TENM4: variants seen among roughly 807,000 people sequenced by gnomAD.
TENM4 encodes the protein teneurin transmembrane protein 4, also known as teneurin-4.
In TENM4, 82 loss-of-function variants were observed where a neutral mutation model predicts 243.3. The ratio of observed to expected loss-of-function variants is 0.34; its 90% confidence interval spans 0.28 to 0.40. TENM4 has a LOEUF of 0.40. TENM4 is among the 10% of genes least tolerant of loss of function. The probability of loss-of-function intolerance (pLI) is 1.00; values close to 1 mark genes in which losing one functional copy is unlikely to be tolerated. For missense variants in TENM4, 3,138 were observed against 3,673.3 expected (o/e 0.85, Z 3.77); for synonymous variants, 1,412 against 1,456.3 (o/e 0.97, Z 0.69).
At chr11:78,722,950 A>G (rs554430398) in intron 23 of TENM4, 33 bp from the exon 24 acceptor site, 1 of 1,603,452 alleles carries the variant, frequency 6.2e-7, no homozygotes, top group Admixed American at 1.7e-5. Context: ...TTGCCTGTGG[A>G]GCAGGAAATG....
chr11:79,343,609 C>T (rs534632754), intron 1 of TENM4, among the ~76,000 whole-genome samples: 1 of 151,736 alleles, frequency 6.6e-6, no homozygotes, highest in African/African-American at 2.4e-5. Context: ...TTAAAAAGGA[C>T]TCCAATGCTT....
intron 19 of TENM4, among the ~76,000 whole-genome samples, chr11:78,751,941 G>C (rs1164810402): frequency 6.6e-6 from 1 of 152,184 alleles, no homozygotes; most frequent in African/African-American, 2.4e-5. Flanking sequence ...GACTCCATGG[G>C]AGGGACAAGT....
At chr11:78,824,595 G>A (rs1213434707) in intron 12 of TENM4, among the ~76,000 whole-genome samples, 2 of 150,112 alleles carry the variant, frequency 1.3e-5, no homozygotes, top group African/African-American at 2.5e-5. Flanking sequence ...TCCGCCTCCC[G>A]GTTTCAAGCA....
intron 12 of TENM4, among the ~76,000 whole-genome samples, chr11:78,834,388 C>T (rs889112998): frequency 6.6e-6 from 1 of 151,936 alleles, no homozygotes; most frequent in Non-Finnish European, 1.5e-5. Flanking sequence ...TTGGTCTTTT[C>T]TTACTTGCTG....
chr11:78,991,602 G>A (rs1002697174), intron 6 of TENM4, among the ~76,000 whole-genome samples: 61 of 152,314 alleles, frequency 4.0e-4, no homozygotes, highest in African/African-American at 1.2e-3. Context: ...TGGCTAGTAA[G>A]TGGCTCAGCT....
chr11:79,295,989 A>G (rs1156707344), intron 2 of TENM4, among the ~76,000 whole-genome samples: 2 of 151,604 alleles, frequency 1.3e-5, no homozygotes, highest in Non-Finnish European at 2.9e-5. Context: ...AAAGCTGCGT[A>G]TCATGTACAT....
At chr11:79,187,174 C>T (rs762988846) in intron 3 of TENM4, among the ~76,000 whole-genome samples, 79 of 152,268 alleles carry the variant, frequency 5.2e-4, no homozygotes, top group African/African-American at 9.9e-4. Context: ...TCCAGGGCAA[C>T]GACTTGAGCC....
In TENM4 at chr11:78,736,486, G is replaced by GCA. The variant is rs879383262; in HGVS notation, c.2876+1964_2876+1965insTG. On this transcript the variant is annotated intron_variant, in intron 20 of 33. Transcript: ENST00000278550. ...TGTGTGTGTGTGTGTGTGTGCGCGC[G>GCA]CGTGCATGTGAGTAGGGGTGGGGGA... Among the ~76,000 whole-genome samples, 926 of 150,202 alleles carry GCA rather than the reference G, an allele frequency of 6.2e-3. 7 individuals are homozygous for GCA. Among genetic ancestry groups the GCA allele is most frequent in the African/African-American group, 0.012 (477 of 40,216 alleles).
chr11:79,139,814 T>TATATTTATATAAATATATAATATATA (rs1862250479), intron 4 of TENM4, among the ~76,000 whole-genome samples: 2 of 65,256 alleles, frequency 3.1e-5, no homozygotes, highest in African/African-American at 1.6e-4. Flanking sequence ...TAATATATAT[T>TATATTTATATAAATATATAATATATA]TTATATTTAT....
At chr11:78,813,593 C>T (rs538156265) in intron 13 of TENM4, among the ~76,000 whole-genome samples, 1 of 152,306 alleles carries the variant, frequency 6.6e-6, no homozygotes, top group Admixed American at 6.5e-5. Context: ...AAAGAAGGGG[C>T]CAAGTTAGTT....
chr11:79,390,574 C>G (rs1858211195), intron 1 of TENM4, among the ~76,000 whole-genome samples: 1 of 148,716 alleles, frequency 6.7e-6, no homozygotes, highest in South Asian at 2.2e-4. Context: ...TGAAACTAAC[C>G]AAGAATACAG....
intron 18 of TENM4, among the ~76,000 whole-genome samples, chr11:78,761,558 C>T (rs551209629): frequency 3.9e-5 from 6 of 152,128 alleles, no homozygotes; most frequent in Admixed American, 6.5e-5. Context: ...TTTCTGATTA[C>T]GTCAGCTGGC....
At chr11:79,330,629 G>A (rs1014239922) in intron 1 of TENM4, among the ~76,000 whole-genome samples, 1 of 152,194 alleles carries the variant, frequency 6.6e-6, no homozygotes, top group Non-Finnish European at 1.5e-5. Flanking sequence ...AATCAAATGG[G>A]AAATAATATA....
At chr11:78,846,630 AT>A (rs1858400057) in intron 12 of TENM4, among the ~76,000 whole-genome samples, 1 of 152,152 alleles carries the variant, frequency 6.6e-6, no homozygotes, top group Non-Finnish European at 1.5e-5. Context: ...GAACCAAGCC[AT>A]TTTCCTTCCA....
Position 78,970,741 on chromosome 11 carries a change from G to C in TENM4, c.494-67218C>G, listed in dbSNP as rs138699693. Reference sequence around the variant, plus strand: ...CTACACCTCAAGAGGTTGCTCTGAGGGTTAAAGGAGACTATGGAAAAAATG... The same window carrying C: ...CTACACCTCAAGAGGTTGCTCTGAGCGTTAAAGGAGACTATGGAAAAAATG... On this transcript the variant is annotated intron_variant, in intron 6 of 33. Coordinates refer to ENST00000278550, the MANE Select transcript of TENM4 (RefSeq NM_001098816.3). 4.4e-4 allele frequency among the ~76,000 whole-genome samples: 67 copies of C among 152,250 alleles called. No homozygotes were observed. In the Middle Eastern group the frequency reaches 0.01, roughly 23 times the overall value.
rs762876610 is a variant in TENM4 at position 78,688,153 on chromosome 11, C to T, written c.5161G>A (p.Asp1721Asn). 6.2e-7 allele frequency: 1 copy of T among 1,613,990 alleles called. No homozygotes were observed. Among genetic ancestry groups the T allele is most frequent in the Non-Finnish European group, 8.5e-7 (1 of 1,179,860 alleles). ...TCTACCTGGACATGCACTGAACTGT[C>T]TGTATCACTTCGGAAACTGCTCACC... The part of the protein sequence containing the change: ...GQVSSFRSDT[D>N]SSVHVQVETS... The change falls in exon 29 of 34, where the codon GAC becomes AAC. Residue 1721 changes from aspartate to asparagine, a missense_variant. This residue lies in a region of TENM4 where 2,467 missense variants were observed against 3,059.1 expected (regional missense o/e 0.81). Coordinates refer to ENST00000278550, the MANE Select transcript of TENM4 (RefSeq NM_001098816.3).
At chr11:79,362,034 C>T (rs1336737563) in intron 1 of TENM4, among the ~76,000 whole-genome samples, 1 of 152,054 alleles carries the variant, frequency 6.6e-6, no homozygotes, top group Non-Finnish European at 1.5e-5. Context: ...ATATGTATCT[C>T]GGGAGGCCTT....
rs75922333 is a variant in TENM4 at position 78,658,528 on chromosome 11, C to T, written c.7840G>A (p.Val2614Met). The change falls in exon 34 of 34, where the codon GTG becomes ATG. Residue 2614 changes from valine (V) to methionine (M), a missense_variant. Physicochemically the swap from Val to Met is conservative, Grantham distance 21. Around this residue, in one of 2 missense-constraint regions of TENM4, gnomAD observed 2,467 missense variants for 3,059.1 expected, o/e 0.81. Coordinates refer to ENST00000278550, the MANE Select transcript of TENM4 (RefSeq NM_001098816.3). The stretch of plus-strand genomic sequence containing the variant: ...GGTTTCACAAAGTAATGGGTATCCA[C>T]CCCATCAATGGTGAAGTGCAGGTTC... ...LENLHFTIDG[V>M]DTHYFVKPGP... is the part of the protein sequence containing the mutation. 0.019 allele frequency: 29,876 copies of T among 1,614,018 alleles called. 364 individuals are homozygous for T. The highest frequency in any genetic ancestry group is 0.023 in the Non-Finnish European group (27,221 of 1,179,870).
At chr11:78,771,308 A>G (rs1441849769) in intron 17 of TENM4, among the ~76,000 whole-genome samples, 170 bp from the exon 18 acceptor site, 1 of 152,156 alleles carries the variant, frequency 6.6e-6, no homozygotes, top group Non-Finnish European at 1.5e-5. Flanking sequence ...TTTACAGAGA[A>G]GGCAACTGAG....
Sources: gnomAD v4.1 joint callset for allele counts (sites outside exome capture counted in the v4.1 genomes callset) on GRCh38, gnomAD v4.1.1 for gene constraint, gnomAD v4.1.1 regional missense constraint, MANE v1.5 for transcripts, NCBI Gene and HGNC (gene_info 2026-07-23, HGNC 2026-07-21) for gene names.